The following PALB2 variants were observed in gnomAD, a reference collection of about 807,000 sequenced individuals.
PALB2 encodes the protein mutant partner and localizer of BRCA2.
Under a neutral mutation model 107.4 loss-of-function variants are expected in PALB2, and 82 were observed. The ratio of observed to expected loss-of-function variants is 0.76; its 90% CI spans 0.64 to 0.92. The LOEUF (loss-of-function observed/expected upper bound fraction) is 0.92, where lower values mean the gene tolerates loss of function less well. PALB2 is among the 40% of genes least tolerant of loss of function. The probability of loss-of-function intolerance (pLI) is 0.00; values close to 1 mark genes in which losing one functional copy is unlikely to be tolerated. For synonymous variants in PALB2, 489 were observed against 496.8 expected (o/e 0.98, Z 0.21); for missense variants, 1,374 against 1,379.9 (o/e 1.00, Z 0.07).
Position 23,629,789 on chromosome 16 carries a change from G to A in PALB2, c.2365C>T (p.Leu789=), listed in dbSNP as rs145805054. Residue 789 remains leucine (L), a synonymous_variant, in exon 5 of 13, where the codon CTG becomes TTG. Transcript: ENST00000261584. Reference sequence around the variant, plus strand: ...TGTCCTTGCCTGCCTGACACTTGCAGGGTGGTATGTGGTTTTGCTGGGCTG... The same window carrying A: ...TGTCCTTGCCTGCCTGACACTTGCAAGGTGGTATGTGGTTTTGCTGGGCTG... ...SGSPAKPHTT[L]QVSGRQGQPT... 1.5e-4 allele frequency: 250 copies of A among 1,614,200 alleles called. 2 individuals are homozygous for A. In the African/African-American group the frequency reaches 2.6e-3, roughly 17 times the overall value.
intron 1 of PALB2, chr16:23,640,875 C>CT: frequency 1.8e-6 from 1 of 554,736 alleles, no homozygotes; most frequent in South Asian, 2.4e-5. Flanking sequence ...TATCTACAAA[C>CT]TGTTACACAT....
intron 1 of PALB2, among the ~76,000 whole-genome samples, chr16:23,639,450 G>A (rs766437775): frequency 3.4e-4 from 51 of 150,848 alleles, no homozygotes; most frequent in East Asian, 5.9e-4. Context: ...ACCCGGAGGC[G>A]GAGGTTGCAG....
In PALB2 at chr16:23,635,842, G is replaced by T. The variant is rs1385914265; in HGVS notation, c.704C>A (p.Thr235Lys). The T allele has an allele frequency of 6.2e-7, 1 of 1,614,044 alleles. No individual in the cohort carries two copies. The highest frequency in any genetic ancestry group is 1.3e-5 in the African/African-American group (1 of 74,932). ...PTAQPEKGVD[T>K]FLRRPNFTRA... ...GGTGAAATTAGGTCTTCTTAGGAATGTATCAACACCTTTTTCTGGTTGGGC... is the reference window on the plus strand; with the variant it reads ...GGTGAAATTAGGTCTTCTTAGGAATTTATCAACACCTTTTTCTGGTTGGGC... The change falls in exon 4 of 13, where the codon ACA (threonine) becomes AAA (lysine). Residue 235 changes from threonine (T) to lysine (K), a missense_variant. Thr to Lys is a moderately conservative substitution (Grantham distance 78, BLOSUM62 -1). Coordinates refer to ENST00000261584, the MANE Select transcript of PALB2 (RefSeq NM_024675.4).
At chr16:23,626,132 G>T in intron 7 of PALB2, 104 bp downstream of exon 7, 2 of 1,323,916 alleles carry the variant, frequency 1.5e-6, no homozygotes, top group Non-Finnish European at 2.2e-6. Flanking sequence ...CCTCATCTCT[G>T]TTCTGCCTTG....
At chr16:23,606,843 A>T (rs1966485772) in intron 12 of PALB2, among the ~76,000 whole-genome samples, 1 of 59,380 alleles carries the variant, frequency 1.7e-5, no homozygotes, top group South Asian at 4.8e-4. Flanking sequence ...TTTTTTTGAG[A>T]CGGAGTCTCG....
chr16:23,633,060 C>A (rs2142401889), intron 4 of PALB2, among the ~76,000 whole-genome samples: 1 of 152,240 alleles, frequency 6.6e-6, no homozygotes, highest in South Asian at 2.1e-4. Context: ...CGCCACTGCA[C>A]CCTATCCGGG....
chr16:23,610,808 C>T (rs939551186), intron 11 of PALB2, among the ~76,000 whole-genome samples: 7 of 151,594 alleles, frequency 4.6e-5, no homozygotes, highest in Non-Finnish European at 8.8e-5. Context: ...GAGCGTGAGG[C>T]GGGTGGATCA....
At chr16:23,628,881 G>A (rs1043376345) in intron 6 of PALB2, among the ~76,000 whole-genome samples, 2 of 152,118 alleles carry the variant, frequency 1.3e-5, no homozygotes, top group African/African-American at 2.4e-5. Context: ...TGATCAGCCC[G>A]CTTCAGCCTC....
chr16:23,615,185 G>A (rs1208895340), intron 10 of PALB2, among the ~76,000 whole-genome samples: 2 of 151,650 alleles, frequency 1.3e-5, no homozygotes, highest in East Asian at 3.9e-4. Flanking sequence ...CTGACCGTAG[G>A]TGATCCACCT....
At chr16:23,607,113 T>C (rs1476218959) in intron 12 of PALB2, among the ~76,000 whole-genome samples, 5 of 152,116 alleles carry the variant, frequency 3.3e-5, no homozygotes, top group East Asian at 1.9e-4. Flanking sequence ...GCCAGATAAA[T>C]ACTTATCTAT....
At chr16:23,622,387 T>TTGTG (rs142078087) in intron 9 of PALB2, among the ~76,000 whole-genome samples, 66 of 148,926 alleles carry the variant, frequency 4.4e-4, no homozygotes, top group African/African-American at 1.0e-3. Context: ...TTAAAAATAT[T>TTGTG]TGTGTGTGTG....
rs1348398121 is a variant in PALB2 at position 23,629,210 on chromosome 16, C to G, written c.2580G>C (p.Glu860Asp). ...AAGAGAATATTCTTCTGACCTTTAA[C>G]TCTGAAACCAATTGTAGGTTGCCTG... Reference protein sequence around the residue: ...INPGNLQLVSELKNPSGSCSV... With the variant: ...INPGNLQLVSDLKNPSGSCSV... Residue 860 changes from glutamate (E) to aspartate (D), a missense_variant, in exon 6 of 13, where the codon GAG becomes GAC. Glu to Asp is a conservative substitution (Grantham distance 45). Transcript: ENST00000261584. The G allele has an allele frequency of 6.2e-7, 1 of 1,612,194 alleles. No homozygotes were observed. The highest frequency in any genetic ancestry group is 8.5e-7 in the Non-Finnish European group (1 of 1,178,570).
At chr16:23,639,116 C>G (rs10444975) in intron 1 of PALB2, among the ~76,000 whole-genome samples, 1 of 152,184 alleles carries the variant, frequency 6.6e-6, no homozygotes, top group Non-Finnish European at 1.5e-5. Flanking sequence ...TCAAAGGATT[C>G]TCTCAGCAGC....
chr16:23,623,758 A>AGG, intron 8 of PALB2: 1 of 458,740 alleles, frequency 2.2e-6, no homozygotes. Context: ...ACCTCAGTTG[A>AGG]TCCACCTTCC....
rs1555461285 is a variant in PALB2 at position 23,635,117 on chromosome 16, T to C, written c.1429A>G (p.Thr477Ala). The C allele has an allele frequency of 1.2e-6, 2 of 1,614,198 alleles. No homozygotes were observed. The highest frequency in any genetic ancestry group is 1.7e-6 in the Non-Finnish European group (2 of 1,180,036). ...GTTAATGAGAGAAGTTTCTGAGAGG[T>C]TCTTGAACTTGGTTGTCCTGTGCAT... ...GTCTGQPSSR[T>A]SQKLLSLTKV... The change falls in exon 4 of 13, where the codon ACC becomes GCC. Residue 477 changes from threonine (T) to alanine (A), a missense_variant. Thr to Ala is a moderately conservative substitution (Grantham distance 58). Coordinates refer to ENST00000261584, the MANE Select transcript of PALB2 (RefSeq NM_024675.4).
At chr16:23,623,783 T>C (rs1966818788) in intron 8 of PALB2, 2 of 507,840 alleles carry the variant, frequency 3.9e-6, no homozygotes, top group Non-Finnish European at 7.1e-6. Flanking sequence ...CCTCCCAAAG[T>C]GCTGGGATTA....
At chr16:23,628,386 T>A (rs1456759073) in intron 6 of PALB2, among the ~76,000 whole-genome samples, 1 of 152,226 alleles carries the variant, frequency 6.6e-6, no homozygotes, top group Non-Finnish European at 1.5e-5. Context: ...AAACTTTATG[T>A]GGATTTGAAG....
intron 12 of PALB2, among the ~76,000 whole-genome samples, chr16:23,605,656 G>A (rs1224871479): frequency 2.6e-5 from 4 of 152,146 alleles, no homozygotes; most frequent in Non-Finnish European, 4.4e-5. Context: ...TGATCTGCCC[G>A]CCTCGGCTTC....
chr16:23,619,473 A>G (rs1489495859), intron 10 of PALB2, among the ~76,000 whole-genome samples: 1 of 151,550 alleles, frequency 6.6e-6, no homozygotes, highest in Non-Finnish European at 1.5e-5. Context: ...TTAGCCTCGC[A>G]CCACCAGGCC....
Sources: gnomAD v4.1 joint callset for allele counts (sites outside exome capture counted in the v4.1 genomes callset) on GRCh38, gnomAD v4.1.1 for gene constraint, MANE v1.5 for transcripts, NCBI Gene and HGNC (gene_info 2026-07-23, HGNC 2026-07-21) for gene names.